KCNK10: variants seen among roughly 807,000 people sequenced by gnomAD.
KCNK10 encodes the protein potassium channel subfamily K member 10.
KCNK10 carries 25 observed loss-of-function variants against 47.7 expected under a neutral mutation model. The ratio of observed to expected loss-of-function variants is 0.52; its 90% CI spans 0.38 to 0.73. KCNK10 has a LOEUF of 0.73. Among genes scored for constraint, KCNK10 ranks in the 30% least tolerant of loss-of-function variants. The pLI, the probability that KCNK10 is intolerant of heterozygous loss-of-function variation, is 0.00. For synonymous variants in KCNK10, 303 were observed against 285.6 expected (o/e 1.06, Z -0.61); for missense variants, 563 against 714.5 (o/e 0.79, Z 2.42).
intron 4 of KCNK10, among the ~76,000 whole-genome samples, chr14:88,205,522 TTTTTC>T (rs1205609940): frequency 4.0e-4 from 61 of 150,992 alleles, no homozygotes; most frequent in Non-Finnish European, 6.6e-4. Flanking sequence ...GCACAGTGCA[TTTTTC>T]TTTTCTTTTC....
chr14:88,190,692 A>G (rs966314567), intron 5 of KCNK10, among the ~76,000 whole-genome samples: 3 of 151,756 alleles, frequency 2.0e-5, no homozygotes, highest in African/African-American at 7.3e-5. Context: ...ACCAATAAAA[A>G]GGAAGGGGAA....
intron 2 of KCNK10, among the ~76,000 whole-genome samples, chr14:88,255,640 A>G (rs948440100): frequency 6.6e-6 from 1 of 152,234 alleles, no homozygotes; most frequent in Non-Finnish European, 1.5e-5. Flanking sequence ...GACTTCAGTA[A>G]CTTGCTGGAG....
intron 3 of KCNK10, among the ~76,000 whole-genome samples, chr14:88,232,943 G>C (rs1389791925): frequency 1.3e-5 from 2 of 152,190 alleles, no homozygotes; most frequent in African/African-American, 4.8e-5. Context: ...GGATGGCTCT[G>C]CCTAAGACTT....
intron 2 of KCNK10, among the ~76,000 whole-genome samples, chr14:88,251,596 A>T (rs1298548446): frequency 1.3e-5 from 2 of 152,236 alleles, no homozygotes; most frequent in African/African-American, 4.8e-5. Context: ...ATGTTTAGTT[A>T]TTGAATTAAT....
intron 6 of KCNK10, 112 bp downstream of exon 6, chr14:88,187,855 C>T: frequency 3.5e-6 from 4 of 1,129,180 alleles, no homozygotes; most frequent in Non-Finnish European, 5.2e-6. Context: ...CCCCCCGCTC[C>T]CCCTGCAAAA....
At chr14:88,326,286 G>T, upstream of KCNK10, 1 of 634,504 alleles carries the variant, frequency 1.6e-6, no homozygotes, top group Non-Finnish European at 2.8e-6. Flanking sequence ...CTGCGTATTT[G>T]GAGTGGACTG....
At chr14:88,197,227 T>C (rs1010266212) in intron 4 of KCNK10, among the ~76,000 whole-genome samples, 2 of 152,166 alleles carry the variant, frequency 1.3e-5, no homozygotes, top group African/African-American at 2.4e-5. Context: ...TATATATGGG[T>C]AAATTGTTTT....
intron 4 of KCNK10, among the ~76,000 whole-genome samples, chr14:88,218,925 A>G (rs1320578364): frequency 6.6e-6 from 1 of 152,158 alleles, no homozygotes; most frequent in African/African-American, 2.4e-5. Context: ...TTTTACTTTA[A>G]TTAGTATGGT....
intron 1 of KCNK10, among the ~76,000 whole-genome samples, chr14:88,297,952 C>T (rs2139787289): frequency 6.6e-6 from 1 of 152,326 alleles, no homozygotes; most frequent in African/African-American, 2.4e-5. Flanking sequence ...AATCTCAAAG[C>T]TGCTCGTTAT....
At chr14:88,191,115 T>G (rs896443557) in intron 5 of KCNK10, among the ~76,000 whole-genome samples, 1 of 151,936 alleles carries the variant, frequency 6.6e-6, no homozygotes, top group African/African-American at 2.4e-5. Flanking sequence ...CCAGGCATGG[T>G]GGCACACGTC....
chr14:88,322,408 GACACACAC>G lies in KCNK10; in HGVS notation c.52+331_52+338del, dbSNP rs35179933. On this transcript the variant is annotated intron_variant, in intron 1 of 6. Coordinates refer to ENST00000319231, the MANE Select transcript of KCNK10 (RefSeq NM_138317.3). The surrounding 1 kb of genome is among the most constrained non-coding windows in gnomAD (Gnocchi z 4.8). ...GAGACAAAGATCACCAGAAACAAAG[GACACACAC>G]ACACACACACACACACACACACACT... Among the ~76,000 whole-genome samples the G allele has an allele frequency of 3.7e-3, 561 of 149,874 alleles. 9 individuals carry two copies. In the East Asian group the frequency reaches 0.056, roughly 15 times the overall value.
At chr14:88,319,833 C>G (rs1888507489) in intron 1 of KCNK10, among the ~76,000 whole-genome samples, 1 of 152,224 alleles carries the variant, frequency 6.6e-6, no homozygotes, top group South Asian at 2.1e-4. Context: ...TCTTGTCCTA[C>G]TAGCTGTGCA....
chr14:88,234,095 C>A (rs1188826799), intron 3 of KCNK10, among the ~76,000 whole-genome samples: 1 of 152,212 alleles, frequency 6.6e-6, no homozygotes, highest in Non-Finnish European at 1.5e-5. Context: ...GGATCCACTA[C>A]AGCAACGCCC....
At chr14:88,289,836 T>C (rs1384226333) in intron 1 of KCNK10, among the ~76,000 whole-genome samples, 1 of 152,218 alleles carries the variant, frequency 6.6e-6, no homozygotes, top group Admixed American at 6.5e-5. Flanking sequence ...TCACTTGAAG[T>C]GCCTGGCACA....
upstream of KCNK10, among the ~76,000 whole-genome samples, chr14:88,323,467 GGAGCAGGGC>G (rs1195605486): frequency 1.3e-5 from 2 of 149,672 alleles, no homozygotes; most frequent in African/African-American, 4.9e-5. Flanking sequence ...CCGGCAAGAG[GGAGCAGGGC>G]GAGCAGCGGA....
chr14:88,226,848 A>G (rs909555457), intron 4 of KCNK10, among the ~76,000 whole-genome samples: 1 of 152,230 alleles, frequency 6.6e-6, no homozygotes, highest in Non-Finnish European at 1.5e-5. Context: ...TCAGGATGCC[A>G]TTTCTGAGGG....
chr14:88,272,047 C>T (rs1887418294), intron 1 of KCNK10, among the ~76,000 whole-genome samples: 1 of 152,112 alleles, frequency 6.6e-6, no homozygotes, highest in Non-Finnish European at 1.5e-5. Context: ...CTTACCCCTA[C>T]CATAGGTCTG....
intron 1 of KCNK10, among the ~76,000 whole-genome samples, chr14:88,280,295 A>C (rs1489573331): frequency 6.6e-6 from 1 of 151,054 alleles, no homozygotes; most frequent in Non-Finnish European, 1.5e-5. Flanking sequence ...GTGATATCAC[A>C]CTCTCAAGGC....
In KCNK10 at chr14:88,185,296, G is replaced by A; in HGVS notation, c.*239C>T. ...CCCTTAACATGTACGGCCAGAACCGGCTACGTGCACGGACACTCTTGGTGT... is the reference window on the plus strand; with the variant it reads ...CCCTTAACATGTACGGCCAGAACCGACTACGTGCACGGACACTCTTGGTGT... On this transcript the variant is annotated 3_prime_UTR_variant, in exon 7 of 7. Coordinates refer to ENST00000319231, the MANE Select transcript of KCNK10 (RefSeq NM_138317.3). The surrounding 1 kb of genome is among the most constrained non-coding windows in gnomAD (Gnocchi z 4.3). 1 of 537,008 alleles carries A rather than the reference G, an allele frequency of 1.9e-6. No individual in the cohort carries two copies. Among genetic ancestry groups the A allele is most frequent in the Non-Finnish European group, 3.2e-6 (1 of 314,232 alleles). The allele number at this position is 537,008 out of a possible 1,614,324, so 33.3% of individuals were successfully genotyped here.
Sources: gnomAD v4.1 joint callset for allele counts (sites outside exome capture counted in the v4.1 genomes callset) on GRCh38, gnomAD v4.1.1 for gene constraint, Gnocchi (gnomAD v3.1) non-coding constraint, MANE v1.5 for transcripts, NCBI Gene and HGNC (gene_info 2026-07-23, HGNC 2026-07-21) for gene names.